IDE: variants seen among roughly 807,000 people sequenced by gnomAD.
IDE encodes insulin degrading enzyme, also known as insulin-degrading enzyme.
A neutral mutation model predicts 133.2 loss-of-function variants in IDE; 58 were observed. The observed-to-expected ratio is 0.44, with a 90% CI of 0.35 to 0.54. The LOEUF is 0.54. Among genes scored for constraint, IDE ranks in the 20% least tolerant of loss-of-function variants. The pLI is 0.00. For synonymous variants in IDE, 396 were observed against 421.3 expected, an observed-to-expected ratio of 0.94 and a Z score of 0.73; for missense variants, 981 against 1,234.0, an observed-to-expected ratio of 0.79 and a Z score of 3.07.
At chr10:92,573,243 C>T in intron 1 of IDE, 2 of 925,594 alleles carry the variant, frequency 2.2e-6, no homozygotes, top group Non-Finnish European at 1.3e-6. Flanking sequence ...GGTTTTGCCA[C>T]AATCTCGGCA....
At chr10:92,478,653 C>A in intron 15 of IDE, 1 of 1,240,716 alleles carries the variant, frequency 8.1e-7, no homozygotes, top group South Asian at 1.4e-5. Context: ...ACAAGTATTG[C>A]ATTCATTCCT....
At chr10:92,567,152 A>C (rs1424589308) in intron 1 of IDE, among the ~76,000 whole-genome samples, 1 of 152,182 alleles carries the variant, frequency 6.6e-6, no homozygotes, top group Non-Finnish European at 1.5e-5. Context: ...AAAAGTGCCT[A>C]CAAGACTGTG....
At chr10:92,570,583 T>C (rs1187992574) in intron 1 of IDE, among the ~76,000 whole-genome samples, 1 of 152,122 alleles carries the variant, frequency 6.6e-6, no homozygotes, top group Non-Finnish European at 1.5e-5. Context: ...GTTTAGGAGA[T>C]ATAAAATACC....
intron 1 of IDE, among the ~76,000 whole-genome samples, chr10:92,562,097 T>TG (rs1182969108): frequency 2.0e-5 from 3 of 152,208 alleles, no homozygotes; most frequent in African/African-American, 7.2e-5. Context: ...GGCAGGAATG[T>TG]GGGCCCACTG....
chr10:92,492,736 C>G (rs1273517035), intron 11 of IDE, among the ~76,000 whole-genome samples: 2 of 152,162 alleles, frequency 1.3e-5, no homozygotes, highest in African/African-American at 4.8e-5. Flanking sequence ...AATCAAAACT[C>G]CCCTCTGATG....
intron 1 of IDE, among the ~76,000 whole-genome samples, chr10:92,544,293 A>AT (rs532055900): frequency 1.3e-5 from 2 of 151,904 alleles, no homozygotes; most frequent in African/African-American, 2.4e-5. Flanking sequence ...AATCACTCTC[A>AT]TTTTTTTAAA....
intron 20 of IDE, among the ~76,000 whole-genome samples, chr10:92,465,436 C>T (rs79133297): frequency 0.039 from 5,918 of 152,218 alleles, 181 homozygotes; most frequent in Middle Eastern, 0.088. Flanking sequence ...ACCTAAAATG[C>T]CCTCTTTATT....
intron 11 of IDE, among the ~76,000 whole-genome samples, chr10:92,494,471 G>A (rs1380306546): frequency 6.6e-6 from 1 of 151,840 alleles, no homozygotes. Flanking sequence ...GCCAGGCACA[G>A]TGGCTCAAGC....
At chr10:92,485,230 C>T (rs988526618) in intron 13 of IDE, among the ~76,000 whole-genome samples, 3 of 147,754 alleles carry the variant, frequency 2.0e-5, no homozygotes, top group Admixed American at 1.4e-4. Context: ...TGGGTTCAAG[C>T]GATTCTCCTG....
chr10:92,461,671 T>C (rs951503569), intron 21 of IDE, among the ~76,000 whole-genome samples: 1 of 151,700 alleles, frequency 6.6e-6, no homozygotes, highest in Non-Finnish European at 1.5e-5. Flanking sequence ...TTCACAATTT[T>C]TTTTTTTTTT....
chr10:92,511,028 G>T (rs1437709771), intron 5 of IDE, among the ~76,000 whole-genome samples: 4 of 143,274 alleles, frequency 2.8e-5, no homozygotes, highest in Non-Finnish European at 4.5e-5. Context: ...TTTCTGTGTG[G>T]AATTAAATTT....
chr10:92,545,017 GA>G (rs1383524073), intron 1 of IDE, among the ~76,000 whole-genome samples: 2 of 152,090 alleles, frequency 1.3e-5, no homozygotes, highest in African/African-American at 4.8e-5. Context: ...GGTAGCTGCA[GA>G]AAAGTACTTA....
intron 22 of IDE, among the ~76,000 whole-genome samples, chr10:92,460,748 G>A (rs551190284): frequency 6.6e-5 from 10 of 152,158 alleles, no homozygotes; most frequent in African/African-American, 1.4e-4. Flanking sequence ...GTCATTAAGC[G>A]TTTGTGTCAA....
At chr10:92,564,761 C>G (rs1378682166) in intron 1 of IDE, among the ~76,000 whole-genome samples, 1 of 123,376 alleles carries the variant, frequency 8.1e-6, no homozygotes, top group Non-Finnish European at 1.7e-5. Flanking sequence ...TGGGAAGAAT[C>G]AGAAATATGT....
chr10:92,473,551 C>A (rs879771491), intron 17 of IDE, among the ~76,000 whole-genome samples: 1 of 150,896 alleles, frequency 6.6e-6, no homozygotes, highest in Non-Finnish European at 1.5e-5. Flanking sequence ...GGGAAAAAAA[C>A]AACAAAAGAT....
chr10:92,516,150 A>G (rs1289835072), intron 4 of IDE, among the ~76,000 whole-genome samples: 1 of 147,114 alleles, frequency 6.8e-6, no homozygotes, highest in Non-Finnish European at 1.5e-5. Context: ...GTGCCATTGC[A>G]CTCTAGCCTG....
At chr10:92,480,383 GCTAGA>G (rs1355208471) in intron 14 of IDE, among the ~76,000 whole-genome samples, 1 of 152,194 alleles carries the variant, frequency 6.6e-6, no homozygotes, top group African/African-American at 2.4e-5. Context: ...TGATAATCTA[GCTAGA>G]GGGGACACAT....
chr10:92,550,415 T>A (rs183347080), intron 1 of IDE, among the ~76,000 whole-genome samples: 50 of 152,140 alleles, frequency 3.3e-4, no homozygotes, highest in Non-Finnish European at 6.2e-4. Context: ...TCACTAATCA[T>A]TAGAAAAGTA....
chr10:92,460,260 G>A (rs959931100), intron 22 of IDE, among the ~76,000 whole-genome samples: 4 of 152,150 alleles, frequency 2.6e-5, no homozygotes, highest in African/African-American at 9.7e-5. Context: ...CAATTCAAAG[G>A]TGAGTAATCA....
Sources: gnomAD v4.1 joint callset for allele counts (sites outside exome capture counted in the v4.1 genomes callset) on GRCh38, gnomAD v4.1.1 for gene constraint, MANE v1.5 for transcripts, NCBI Gene and HGNC (gene_info 2026-07-23, HGNC 2026-07-21) for gene names.